Variants in ITGA4 observed in about 807,000 individuals in gnomAD.
The protein encoded by ITGA4 is integrin subunit alpha 4.
A neutral mutation model predicts 133.6 loss-of-function variants in ITGA4; 63 were observed. The ratio of observed to expected loss-of-function variants is 0.47; its 90% CI spans 0.38 to 0.58. The LOEUF is 0.58. Among genes scored for constraint, ITGA4 ranks in the 20% least tolerant of loss-of-function variants. The pLI, the probability that ITGA4 is intolerant of heterozygous loss-of-function variation, is 0.00. For missense variants in ITGA4, 1,076 were observed against 1,252.7 expected, an observed-to-expected ratio of 0.86 and a Z score of 2.13; for synonymous variants, 483 against 438.0, an observed-to-expected ratio of 1.10 and a Z score of -1.28.
chr2:181,475,463 A>G lies in ITGA4; in HGVS notation c.556+175A>G, dbSNP rs191552234. Among the ~76,000 whole-genome samples, 195 of 152,318 alleles carry G rather than the reference A, an allele frequency of 1.3e-3. 1 individual carries two copies. Among genetic ancestry groups the G allele is most frequent in the African/African-American group, 4.3e-3 (178 of 41,570 alleles). On this transcript the variant is annotated intron_variant, in intron 4 of 27. Transcript: ENST00000397033. The stretch of plus-strand genomic sequence containing the variant: ...CCCAATTGCAATAGCATTATTTTTC[A>G]TAAATGCACTTTGTGCTATAAAAAT...
At chr2:181,507,954 T>A (rs190753554) in intron 15 of ITGA4, among the ~76,000 whole-genome samples, 1 of 152,220 alleles carries the variant, frequency 6.6e-6, no homozygotes, top group Admixed American at 6.6e-5. Flanking sequence ...GAATGACAAA[T>A]GCTTTCAAAG....
intron 2 of ITGA4, among the ~76,000 whole-genome samples, chr2:181,461,922 CATTA>C (rs1685290191): frequency 1.3e-5 from 2 of 151,972 alleles, no homozygotes; most frequent in Admixed American, 6.6e-5. Flanking sequence ...TAAGAAAACT[CATTA>C]ATTTTTATGA....
At chr2:181,483,879 C>T (rs1280822877) in intron 9 of ITGA4, among the ~76,000 whole-genome samples, 2 of 152,126 alleles carry the variant, frequency 1.3e-5, no homozygotes, top group Admixed American at 1.3e-4. Context: ...ATCATTTTCC[C>T]CCATTGAAAT....
At chr2:181,473,154 G>A (rs1685595607) in intron 2 of ITGA4, among the ~76,000 whole-genome samples, 2 of 152,328 alleles carry the variant, frequency 1.3e-5, no homozygotes, top group South Asian at 2.1e-4. Context: ...CCAATCCCTG[G>A]GCTGTGGATG....
chr2:181,512,911 G>A lies in ITGA4; in HGVS notation c.1922+1136G>A, dbSNP rs557793939. On this transcript the variant is annotated intron_variant, in intron 17 of 27. Transcript: ENST00000397033. ...GTTATTTGTTCAATTATTAGAAGAT[G>A]TAAATGTGAGTGCCAGAGGCAGGGA... 3.9e-5 allele frequency among the ~76,000 whole-genome samples: 6 copies of A among 152,172 alleles called. No homozygotes were observed. In the South Asian group the frequency reaches 1.2e-3, roughly 32 times the overall value.
intron 20 of ITGA4, 41 bp downstream of exon 20, chr2:181,524,291 C>T: frequency 8.7e-7 from 1 of 1,150,438 alleles, no homozygotes; most frequent in South Asian, 1.5e-5. Context: ...AAATATACCC[C>T]CATATTCTGA....
chr2:181,484,382 C>T lies in ITGA4; in HGVS notation c.1042-1499C>T, dbSNP rs552601886. Among the ~76,000 whole-genome samples, 18 of 152,252 alleles carry T rather than the reference C, an allele frequency of 1.2e-4. No homozygotes were observed. The South Asian group carries it at 1.2e-3, about 11-fold the overall frequency. ...TAGGGAATACTTGAAGAAGAGTGAT[C>T]ACCTCTTCCTATTGAAACTCTCCTT... On this transcript the variant is annotated intron_variant, in intron 9 of 27. Transcript: ENST00000397033.
intron 25 of ITGA4, among the ~76,000 whole-genome samples, chr2:181,533,016 T>C (rs1686976112): frequency 6.6e-6 from 1 of 151,982 alleles, no homozygotes; most frequent in Admixed American, 6.6e-5. Flanking sequence ...AAGGCTTTCA[T>C]AAAATCAAAT....
At chr2:181,467,980 G>T (rs756205545) in intron 2 of ITGA4, among the ~76,000 whole-genome samples, 1 of 152,190 alleles carries the variant, frequency 6.6e-6, no homozygotes, top group Non-Finnish European at 1.5e-5. Context: ...TATTTTATGA[G>T]CCAGGTTATA....
intron 25 of ITGA4, among the ~76,000 whole-genome samples, chr2:181,532,926 A>T (rs1686974425): frequency 6.6e-6 from 1 of 152,182 alleles, no homozygotes; most frequent in African/African-American, 2.4e-5. Flanking sequence ...CACCTAGTTT[A>T]TTGAGAGTTT....
intron 6 of ITGA4, among the ~76,000 whole-genome samples, chr2:181,480,789 T>C (rs1392179666): frequency 6.6e-6 from 1 of 152,186 alleles, no homozygotes; most frequent in Non-Finnish European, 1.5e-5. Context: ...TCATAAGTTC[T>C]TAGAATATTT....
At chr2:181,532,282 T>C (rs180702362) in intron 25 of ITGA4, among the ~76,000 whole-genome samples, 1 of 152,346 alleles carries the variant, frequency 6.6e-6, no homozygotes, top group African/African-American at 2.4e-5. Context: ...TTTTTTCTAA[T>C]TCTGTGAAGA....
At position 181,535,502 on chromosome 2, in the gene ITGA4, T is replaced by G. The variant is rs1169163013; in HGVS notation, c.3074T>G (p.Ile1025Ser). 3 of 1,609,798 alleles carry G rather than the reference T, an allele frequency of 1.9e-6. No individual in the cohort carries two copies. The highest frequency in any genetic ancestry group is 1.3e-5 in the African/African-American group (1 of 74,746). ...EENRRDSWSY[I>S]NSKSNDD The stretch of plus-strand genomic sequence containing the variant: ...AACAGAAGAGACAGTTGGAGTTATA[T>G]CAACAGTAAAAGCAATGATGATTAA... The change falls in exon 28 of 28, where the codon ATC becomes AGC. Residue 1025 changes from isoleucine (I) to serine (S), a missense_variant. Around this residue, in one of 4 missense-constraint regions of ITGA4, gnomAD observed 193 missense variants for 172.3 expected, o/e 1.12. Coordinates refer to ENST00000397033, the MANE Select transcript of ITGA4 (RefSeq NM_000885.6).
At chr2:181,486,229 G>C (rs1685915068) in intron 10 of ITGA4, 1 of 414,516 alleles carries the variant, frequency 2.4e-6, no homozygotes, top group Non-Finnish European at 4.1e-6. Flanking sequence ...TGATTCTAAG[G>C]CACCATTGAT....
intron 22 of ITGA4, 145 bp from the exon 23 acceptor site, chr2:181,529,396 C>A: frequency 6.8e-6 from 3 of 439,686 alleles, no homozygotes; most frequent in Admixed American, 4.2e-5. Context: ...ATCCTGTCTC[C>A]CTTTGTTATG....
intron 20 of ITGA4, among the ~76,000 whole-genome samples, chr2:181,524,532 A>G (rs979988144): frequency 1.3e-5 from 2 of 152,208 alleles, no homozygotes; most frequent in Admixed American, 6.5e-5. Flanking sequence ...ACAGTTTACA[A>G]GTAATAACTC....
intron 6 of ITGA4, 50 bp from the exon 7 acceptor site, chr2:181,481,548 A>G (rs1685803936): frequency 1.1e-6 from 1 of 887,480 alleles, no homozygotes; most frequent in South Asian, 1.5e-5. Flanking sequence ...CCATATTACC[A>G]TATGATGTAC....
intron 2 of ITGA4, among the ~76,000 whole-genome samples, chr2:181,466,041 A>G (rs1160837266): frequency 6.6e-6 from 1 of 152,124 alleles, no homozygotes; most frequent in Non-Finnish European, 1.5e-5. Context: ...TGCTTACAAA[A>G]TGTATCAGCT....
At chr2:181,478,297 TTAA>T (rs1320659211) in intron 4 of ITGA4, among the ~76,000 whole-genome samples, 13 of 152,078 alleles carry the variant, frequency 8.5e-5, no homozygotes, top group African/African-American at 2.6e-4. Flanking sequence ...AGGACTGGAG[TTAA>T]TAATTGTGCA....
Sources: allele counts gnomAD v4.1 joint callset (sites outside exome capture counted in the v4.1 genomes callset), GRCh38; gene constraint gnomAD v4.1.1; regional missense constraint gnomAD v4.1.1; transcripts MANE v1.5; gene names NCBI Gene and HGNC (gene_info 2026-07-23, HGNC 2026-07-21).